The following EPHA6 variants were observed in gnomAD, a reference collection of about 807,000 sequenced individuals.
EPHA6 encodes the protein ephrin type-A receptor 6.
A neutral mutation model predicts 112.0 loss-of-function variants in EPHA6; 50 were observed. That is an observed-to-expected ratio of 0.45 (90% CI 0.36 to 0.56). The LOEUF (loss-of-function observed/expected upper bound fraction) is 0.56. Ranked by LOEUF, EPHA6 falls within the 20% of genes least tolerant of loss-of-function variation. The probability of loss-of-function intolerance (pLI) is 0.00; values close to 1 mark genes in which losing one functional copy is unlikely to be tolerated. For synonymous variants in EPHA6, 529 were observed against 490.7 expected (o/e 1.08, Z -1.03); for missense variants, 1,280 against 1,417.4 (o/e 0.90, Z 1.56).
rs187662213 is a variant in EPHA6, at chr3:96,994,914, G to T, written c.1114+6921G>T. Among the ~76,000 whole-genome samples the T allele has an allele frequency of 5.2e-3, 782 of 151,388 alleles. 10 individuals carry two copies. Among genetic ancestry groups the T allele is most frequent in the African/African-American group, 0.017 (717 of 41,198 alleles). Reference sequence around the variant, plus strand: ...AGTATAACTTAACTAAATACTATTTGTCTATGAAAATTAAAATTGTGAAAC... The same window carrying T: ...AGTATAACTTAACTAAATACTATTTTTCTATGAAAATTAAAATTGTGAAAC... On this transcript the variant is annotated intron_variant, in intron 3 of 17. Coordinates refer to ENST00000389672, the MANE Select transcript of EPHA6 (RefSeq NM_001080448.3).
In EPHA6 at chr3:97,749,237, G is replaced by T; in HGVS notation, c.*536G>T. ...CCTGATATTGTTAGAATTATTTGCA[G>T]AAATGACCAGTGATATCATGTAATG... is the stretch of plus-strand genomic sequence containing the variant. On this transcript the variant is annotated 3_prime_UTR_variant, in exon 18 of 18. Coordinates refer to ENST00000389672, the MANE Select transcript of EPHA6 (RefSeq NM_001080448.3). The T allele has an allele frequency of 4.6e-6, 1 of 218,060 alleles. No homozygotes were observed. Among genetic ancestry groups the T allele is most frequent in the Non-Finnish European group, 9.2e-6 (1 of 108,570 alleles). The allele number at this position is 218,060 out of a possible 1,614,324, so 13.5% of individuals were successfully genotyped here.
At chr3:96,938,215 C>T (rs1379481524) in intron 2 of EPHA6, among the ~76,000 whole-genome samples, 13 of 152,212 alleles carry the variant, frequency 8.5e-5, no homozygotes, top group Non-Finnish European at 1.3e-4. Flanking sequence ...GCCATTTTCA[C>T]GATATTGATT....
At chr3:97,330,845 A>G (rs1187386429) in intron 5 of EPHA6, among the ~76,000 whole-genome samples, 4 of 152,234 alleles carry the variant, frequency 2.6e-5, no homozygotes, top group African/African-American at 9.6e-5. Context: ...AACGAGACAG[A>G]AAGTTAACAA....
intron 10 of EPHA6, among the ~76,000 whole-genome samples, chr3:97,531,831 T>A (rs1179666205): frequency 1.3e-5 from 2 of 152,096 alleles, no homozygotes; most frequent in African/African-American, 4.8e-5. Flanking sequence ...TAATGTAGCC[T>A]GTATAATCAC....
In EPHA6 at chr3:97,405,019, T is replaced by A. The variant is rs2087246742; in HGVS notation, c.1607-131T>A. ...TAGAGCATATCGTAAGGCTATCTTA[T>A]TAATCTGCCTTCAATAAATGGTGTC... On this transcript the variant is annotated intron_variant, in intron 5 of 17. Transcript: ENST00000389672. The A allele has an allele frequency of 1.0e-5, 10 of 952,692 alleles. No homozygotes were observed. The South Asian group carries it at 1.7e-4, about 17-fold the overall frequency. 59.0% of individuals were successfully genotyped at this position (952,692 alleles called of 1,614,324 possible).
intron 13 of EPHA6, among the ~76,000 whole-genome samples, chr3:97,620,024 G>A (rs542449553): frequency 2.9e-4 from 44 of 151,950 alleles, no homozygotes; most frequent in Non-Finnish European, 6.0e-4. Context: ...CTATACCATA[G>A]GACTACAGTG....
intron 3 of EPHA6, among the ~76,000 whole-genome samples, chr3:97,101,922 C>A (rs559669714): frequency 1.3e-5 from 2 of 152,034 alleles, no homozygotes; most frequent in African/African-American, 4.8e-5. Flanking sequence ...CTTAACTACT[C>A]TAAATTTCAG....
intron 3 of EPHA6, among the ~76,000 whole-genome samples, chr3:97,184,725 A>C (rs2077077264): frequency 6.6e-6 from 1 of 152,184 alleles, no homozygotes; most frequent in Admixed American, 6.5e-5. Context: ...TTTAAAGTTC[A>C]TATGGAACCA....
chr3:97,244,542 T>A (rs2078933615), intron 5 of EPHA6: 2 of 471,762 alleles, frequency 4.2e-6, no homozygotes, highest in African/African-American at 3.9e-5. Flanking sequence ...TGTATAATCA[T>A]ATAACAATAT....
At chr3:96,913,197 CA>C (rs1384209891) in intron 2 of EPHA6, among the ~76,000 whole-genome samples, 3 of 136,684 alleles carry the variant, frequency 2.2e-5, no homozygotes, top group Admixed American at 1.4e-4. Context: ...CACACACACA[CA>C]CACACACACA....
intron 10 of EPHA6, among the ~76,000 whole-genome samples, chr3:97,496,917 T>C (rs753170641): frequency 3.3e-5 from 5 of 152,160 alleles, no homozygotes; most frequent in Admixed American, 6.6e-5. Context: ...CCCTCATTTG[T>C]AGTGAGATTT....
At chr3:97,156,847 ATCCC>A (rs2076299558) in intron 3 of EPHA6, among the ~76,000 whole-genome samples, 1 of 152,146 alleles carries the variant, frequency 6.6e-6, no homozygotes, top group African/African-American at 2.4e-5. Context: ...TTGAAAATGT[ATCCC>A]TATTCTCAAA....
chr3:97,452,850 T>C (rs541939659), intron 7 of EPHA6, among the ~76,000 whole-genome samples: 1 of 151,900 alleles, frequency 6.6e-6, no homozygotes, highest in Admixed American at 6.6e-5. Flanking sequence ...TCAAATTTAT[T>C]ATTATTTCTG....
chr3:96,852,416 C>T (rs554709705), intron 1 of EPHA6, among the ~76,000 whole-genome samples: 1 of 151,908 alleles, frequency 6.6e-6, no homozygotes, highest in East Asian at 1.9e-4. Flanking sequence ...GTGACAAAAG[C>T]GAGACTCTGT....
chr3:97,605,170 T>C (rs771654239), intron 12 of EPHA6, among the ~76,000 whole-genome samples: 2 of 151,396 alleles, frequency 1.3e-5, no homozygotes, highest in African/African-American at 2.4e-5. Context: ...GGAGATGATA[T>C]TTAAGCTGCT....
chr3:96,848,254 T>C (rs753108702), intron 1 of EPHA6, among the ~76,000 whole-genome samples: 1 of 152,118 alleles, frequency 6.6e-6, no homozygotes, highest in Non-Finnish European at 1.5e-5. Flanking sequence ...TTAATATTTC[T>C]ACTTTAATAA....
intron 4 of EPHA6, among the ~76,000 whole-genome samples, chr3:97,230,758 A>T (rs1167890466): frequency 1.3e-5 from 2 of 152,170 alleles, no homozygotes; most frequent in Admixed American, 1.3e-4. Context: ...AGGTTTAAAT[A>T]CCATCTTCAG....
chr3:96,853,309 G>C (rs1397376204), intron 1 of EPHA6, among the ~76,000 whole-genome samples: 1 of 152,138 alleles, frequency 6.6e-6, no homozygotes, highest in Non-Finnish European at 1.5e-5. Flanking sequence ...GAGGTCTGTA[G>C]AAGGTATCGT....
At chr3:97,211,422 T>C (rs1459020090) in intron 3 of EPHA6, among the ~76,000 whole-genome samples, 1 of 152,172 alleles carries the variant, frequency 6.6e-6, no homozygotes, top group East Asian at 1.9e-4. Flanking sequence ...TAACAAAATA[T>C]CATAGACTGT....
Sources: gnomAD v4.1 joint callset for allele counts (sites outside exome capture counted in the v4.1 genomes callset) on GRCh38, gnomAD v4.1.1 for gene constraint, MANE v1.5 for transcripts, NCBI Gene and HGNC (gene_info 2026-07-23, HGNC 2026-07-21) for gene names.